The following UGT1A10 variants were observed in gnomAD, a reference collection of about 807,000 sequenced individuals.
UGT1A10 encodes UDP-glucuronosyltransferase 1A10.
A neutral mutation model predicts 45.8 loss-of-function variants in UGT1A10; 49 were observed. The observed-to-expected ratio is 1.07, with a 90% CI of 0.85 to 1.36. The LOEUF is 1.36. Among genes scored for constraint, UGT1A10 ranks in the 40% most tolerant of loss-of-function variants. The pLI is 0.00. For synonymous variants in UGT1A10, 284 were observed against 249.7 expected, an observed-to-expected ratio of 1.14 and a Z score of -1.29; for missense variants, 745 against 668.6, an observed-to-expected ratio of 1.11 and a Z score of -1.26.
At chr2:233,719,813 A>G in intron 1 of UGT1A10, 1 of 1,586,286 alleles carries the variant, frequency 6.3e-7, no homozygotes, top group Non-Finnish European at 8.6e-7. Context: ...TCTTTATAAC[A>G]GATAAACTGT....
chr2:233,693,551 A>T (rs752625258), intron 1 of UGT1A10: 2 of 1,614,068 alleles, frequency 1.2e-6, no homozygotes, highest in Non-Finnish European at 1.7e-6. Flanking sequence ...GCATACATTC[A>T]GCAGAAGCCC....
chr2:233,645,630 T>C (rs2073580439), intron 1 of UGT1A10, among the ~76,000 whole-genome samples: 1 of 152,150 alleles, frequency 6.6e-6, no homozygotes, highest in South Asian at 2.1e-4. Flanking sequence ...GGCAGGGCAG[T>C]CAAATCTTAA....
At chr2:233,754,997 G>A in intron 1 of UGT1A10, 1 of 1,294,706 alleles carries the variant, frequency 7.7e-7, no homozygotes. Context: ...CACGGAAGCT[G>A]AAGACCTACT....
chr2:233,643,339 C>A (rs1237608201), intron 1 of UGT1A10, among the ~76,000 whole-genome samples: 1 of 152,152 alleles, frequency 6.6e-6, no homozygotes, highest in Non-Finnish European at 1.5e-5. Flanking sequence ...ACTGCCACCC[C>A]TGGCCATGGA....
chr2:233,752,750 C>G (rs1270384572), intron 1 of UGT1A10, among the ~76,000 whole-genome samples: 1 of 151,980 alleles, frequency 6.6e-6, no homozygotes, highest in African/African-American at 2.4e-5. Flanking sequence ...GTCTCTAAAA[C>G]AAACAAACAA....
chr2:233,747,064 G>A (rs904041772), intron 1 of UGT1A10: 9 of 934,146 alleles, frequency 9.6e-6, no homozygotes, highest in African/African-American at 1.7e-5. Flanking sequence ...TTGGTTAATC[G>A]GTAATAATTA....
chr2:233,644,698 G>A (rs575491822), intron 1 of UGT1A10, among the ~76,000 whole-genome samples: 18 of 152,308 alleles, frequency 1.2e-4, no homozygotes, highest in African/African-American at 4.3e-4. Flanking sequence ...TCTCCCACCA[G>A]GGCTCAGGGA....
chr2:233,748,202 A>G (rs1693892993), intron 1 of UGT1A10: 1 of 1,528,284 alleles, frequency 6.5e-7, no homozygotes. Flanking sequence ...GCTTGTCGTA[A>G]TAGCCTTCAG....
intron 1 of UGT1A10, among the ~76,000 whole-genome samples, chr2:233,711,645 C>G (rs757300955): frequency 1.3e-4 from 20 of 152,188 alleles, no homozygotes; most frequent in Non-Finnish European, 2.5e-4. Context: ...CCCATGGGTT[C>G]TGTCCAAAGG....
intron 1 of UGT1A10, among the ~76,000 whole-genome samples, chr2:233,689,656 TTCCTC>T (rs2074952512): frequency 6.6e-6 from 1 of 152,194 alleles, no homozygotes; most frequent in South Asian, 2.1e-4. Flanking sequence ...TGAGTGTGAC[TTCCTC>T]CAAGAACAAA....
At chr2:233,726,442 TC>T (rs1229144566) in intron 1 of UGT1A10, among the ~76,000 whole-genome samples, 1 of 152,218 alleles carries the variant, frequency 6.6e-6, no homozygotes, top group Non-Finnish European at 1.5e-5. Flanking sequence ...TCTTATTCTT[TC>T]CACTGAATGT....
intron 1 of UGT1A10, chr2:233,753,459 T>G (rs1411436879): frequency 6.6e-6 from 1 of 152,232 alleles, no homozygotes; most frequent in Non-Finnish European, 1.5e-5. Context: ...CCATGATTTT[T>G]CTGTAAAAAA....
chr2:233,729,159 G>A (rs781569400), intron 1 of UGT1A10: 4 of 1,613,520 alleles, frequency 2.5e-6, no homozygotes, highest in Non-Finnish European at 3.4e-6. Context: ...CCCTGCCGTG[G>A]CTGGCCACAG....
At position 233,637,356 on chromosome 2, in the gene UGT1A10, T is replaced by C. The variant is rs762101279; in HGVS notation, c.834T>C (p.His278=). 2 of 1,613,510 alleles carry C rather than the reference T, an allele frequency of 1.2e-6. No individual in the cohort carries two copies. The highest frequency in any genetic ancestry group is 2.7e-5 in the African/African-American group (2 of 74,904). The change falls in exon 1 of 5, where the codon CAT becomes CAC. Residue 278 remains histidine, a synonymous_variant. Transcript: ENST00000344644. Reference sequence around the variant, plus strand: ...TCTTCATTGGTGGTATCAACTGTCATCAGGGAAAGCCATTGCCTATGGTAA... The same window carrying C: ...TCTTCATTGGTGGTATCAACTGTCACCAGGGAAAGCCATTGCCTATGGTAA... ...NMIFIGGINC[H]QGKPLPMEFE...
In UGT1A10 at chr2:233,667,472, G is replaced by T. The variant is rs576011120; in HGVS notation, c.855+30095G>T. Among the ~76,000 whole-genome samples the T allele has an allele frequency of 3.1e-3, 474 of 152,288 alleles. 4 individuals are homozygous for T. The highest frequency in any genetic ancestry group is 0.011 in the African/African-American group (452 of 41,552). Reference sequence around the variant, plus strand: ...ATTACCATTCAGGACATAGGCATGGGCAAGGACTTCATGTCTAAAACACCA... The same window carrying T: ...ATTACCATTCAGGACATAGGCATGGTCAAGGACTTCATGTCTAAAACACCA... On this transcript the variant is annotated intron_variant, in intron 1 of 4. Transcript: ENST00000344644.
chr2:233,685,595 T>A (rs2074745339), intron 1 of UGT1A10, among the ~76,000 whole-genome samples: 1 of 152,202 alleles, frequency 6.6e-6, no homozygotes, highest in African/African-American at 2.4e-5. Flanking sequence ...AAGGCCTCCC[T>A]CCAAGATTAT....
rs565015143 is a variant in UGT1A10, at chr2:233,688,003, C to A, written c.855+50626C>A. 1.2e-3 allele frequency among the ~76,000 whole-genome samples: 176 copies of A among 152,312 alleles called. 1 individual carries two copies. The highest frequency in any genetic ancestry group is 4.1e-3 in the African/African-American group (171 of 41,580). On this transcript the variant is annotated intron_variant, in intron 1 of 4. Coordinates refer to ENST00000344644, the MANE Select transcript of UGT1A10 (RefSeq NM_019075.4). The stretch of plus-strand genomic sequence containing the variant: ...AATTCAGTGGTTTTCTGTGTGCTCC[C>A]AGATACAATCAACCATCACCAATAT...
intron 1 of UGT1A10, among the ~76,000 whole-genome samples, chr2:233,685,534 C>T (rs558249982): frequency 4.6e-5 from 7 of 152,328 alleles, no homozygotes; most frequent in South Asian, 2.1e-4. Flanking sequence ...CCATTGCTCT[C>T]GCATTCTGTT....
chr2:233,721,590 T>A (rs2076956234), intron 1 of UGT1A10: 1 of 172,476 alleles, frequency 5.8e-6, no homozygotes, highest in African/African-American at 2.4e-5. Context: ...TGCAACCTCA[T>A]CCTCAGGTTT....
Sources: gnomAD v4.1 joint callset for allele counts (sites outside exome capture counted in the v4.1 genomes callset) on GRCh38, gnomAD v4.1.1 for gene constraint, MANE v1.5 for transcripts, NCBI Gene and HGNC (gene_info 2026-07-23, HGNC 2026-07-21) for gene names.